SI: variants seen among roughly 807,000 people sequenced by gnomAD.
SI encodes the protein sucrase-isomaltase, intestinal.
SI carries 235 observed loss-of-function variants against 253.3 expected under a neutral mutation model. The ratio of observed to expected loss-of-function variants is 0.93; its 90% confidence interval spans 0.83 to 1.03. The LOEUF is 1.03. Among genes scored for constraint, SI ranks in the 50% least tolerant of loss-of-function variants. The pLI is 0.00. For missense variants in SI, 2,442 were observed against 2,211.1 expected (o/e 1.10, Z -2.09); for synonymous variants, 819 against 712.0 (o/e 1.15, Z -2.39).
rs1351677250 is a variant in SI, at chr3:164,979,191, C to T, written c.*171G>A. The T allele has an allele frequency of 6.7e-6, 4 of 600,676 alleles. No homozygotes were observed. Among genetic ancestry groups the T allele is most frequent in the Non-Finnish European group, 9.0e-6 (3 of 333,070 alleles). 37.2% of individuals were successfully genotyped at this position (600,676 alleles called of 1,614,324 possible). On this transcript the variant is annotated 3_prime_UTR_variant, in exon 48 of 48. Transcript: ENST00000264382. ...TTAAAATTGAATCCAAGTCACATTA[C>T]TATAATAAAATTAGCATTATCATTG...
intron 14 of SI, 122 bp downstream of exon 14, chr3:165,049,669 T>A (rs2108232975): frequency 1.5e-6 from 1 of 646,158 alleles, no homozygotes; most frequent in East Asian, 2.8e-5. Context: ...ATAAACAAAT[T>A]GATTTTATGG....
intron 34 of SI, among the ~76,000 whole-genome samples, chr3:165,012,030 T>C (rs1197928355): frequency 1.3e-5 from 2 of 152,120 alleles, no homozygotes; most frequent in Non-Finnish European, 1.5e-5. Flanking sequence ...GATAGAACTA[T>C]AGCCACTCCT....
chr3:164,996,633 C>A lies in SI; in HGVS notation c.4594G>T (p.Gly1532Cys), dbSNP rs1718024321. ...TGATATTCTGAGTTGTTGAAAAAAC[C>A]ACAGATGTCTGCTCCAGTCTAAAAT... is the stretch of plus-strand genomic sequence containing the variant. ...GMSYTGADIC[G>C]FFNNSEYHLC... The change falls in exon 40 of 48, where the codon GGT becomes TGT. Residue 1532 changes from glycine to cysteine, a missense_variant. Coordinates refer to ENST00000264382, the MANE Select transcript of SI (RefSeq NM_001041.4). The A allele has an allele frequency of 6.3e-7, 1 of 1,596,998 alleles. No homozygotes were observed. The highest frequency in any genetic ancestry group is 1.3e-5 in the African/African-American group (1 of 74,452).
chr3:164,994,454 G>A, intron 40 of SI, 49 bp from the exon 41 acceptor site: 1 of 1,578,042 alleles, frequency 6.3e-7, no homozygotes, highest in Non-Finnish European at 8.7e-7. Context: ...CCTTGTTTAA[G>A]TCATAATATT....
chr3:165,045,580 T>A (rs1398560326), intron 16 of SI, among the ~76,000 whole-genome samples: 1 of 151,934 alleles, frequency 6.6e-6, no homozygotes, highest in East Asian at 1.9e-4. Context: ...GTATTAATTT[T>A]TTCTCTTATT....
chr3:164,980,722 T>G (rs1717140858), intron 47 of SI, among the ~76,000 whole-genome samples: 1 of 152,006 alleles, frequency 6.6e-6, no homozygotes, highest in African/African-American at 2.4e-5. Context: ...TAGAAAAAAA[T>G]GATTTTTAAT....
intron 13 of SI, among the ~76,000 whole-genome samples, chr3:165,051,469 A>G (rs1457861979): frequency 6.6e-6 from 1 of 152,040 alleles, no homozygotes; most frequent in African/African-American, 2.4e-5. Context: ...GTTATATTCA[A>G]TTTTGTTTCC....
At chr3:165,008,369 A>G (rs1298884372) in intron 35 of SI, among the ~76,000 whole-genome samples, 5 of 151,988 alleles carry the variant, frequency 3.3e-5, no homozygotes, top group Non-Finnish European at 7.4e-5. Flanking sequence ...TACAAGATAT[A>G]TTAATAGTTT....
intron 22 of SI, 124 bp downstream of exon 22, chr3:165,036,265 A>C (rs1215416660): frequency 2.9e-6 from 2 of 697,948 alleles, no homozygotes; most frequent in Non-Finnish European, 5.0e-6. Flanking sequence ...TGAAACAGAT[A>C]AAAAACATTA....
chr3:165,012,398 G>A (rs1718813928), intron 34 of SI, among the ~76,000 whole-genome samples: 1 of 151,804 alleles, frequency 6.6e-6, no homozygotes, highest in African/African-American at 2.4e-5. Context: ...AATGTTAAAT[G>A]TTATTACTGT....
chr3:165,061,891 G>A (rs1041324934), intron 9 of SI, among the ~76,000 whole-genome samples: 4 of 151,898 alleles, frequency 2.6e-5, no homozygotes, highest in African/African-American at 9.7e-5. Context: ...ACCTTCTGAA[G>A]TCCCCAGGAT....
chr3:165,058,156 A>G (rs918660766), intron 12 of SI, among the ~76,000 whole-genome samples: 6 of 152,178 alleles, frequency 3.9e-5, no homozygotes, highest in Non-Finnish European at 7.4e-5. Context: ...ATATGAAAAC[A>G]TGAAAATTGA....
In SI at chr3:164,990,586, T is replaced by C. The variant is rs148460813; in HGVS notation, c.5108+767A>G. Among the ~76,000 whole-genome samples the C allele has an allele frequency of 4.3e-3, 651 of 152,250 alleles. 3 individuals are homozygous for C. Among genetic ancestry groups the C allele is most frequent in the African/African-American group, 0.015 (632 of 41,552 alleles). On this transcript the variant is annotated intron_variant, in intron 44 of 47. Transcript: ENST00000264382. The stretch of plus-strand genomic sequence containing the variant: ...ATGTTTTAAAAATGAATTGAGTTCA[T>C]ATCCTTTGTAGGGACATAGATGAAG...
At chr3:164,993,866 A>G (rs1000751311) in intron 41 of SI, among the ~76,000 whole-genome samples, 10 of 151,704 alleles carry the variant, frequency 6.6e-5, no homozygotes, top group African/African-American at 2.4e-4. Flanking sequence ...CCAGTAAGAC[A>G]TCTGTATATA....
intron 25 of SI, among the ~76,000 whole-genome samples, chr3:165,028,058 C>T (rs1712022353): frequency 6.6e-6 from 1 of 151,342 alleles, no homozygotes; most frequent in Admixed American, 6.6e-5. Flanking sequence ...CTCCAAAAAG[C>T]TCCTAGAACT....
At chr3:164,996,248 T>A (rs1243346255) in intron 40 of SI, among the ~76,000 whole-genome samples, 1 of 151,788 alleles carries the variant, frequency 6.6e-6, no homozygotes, top group African/African-American at 2.4e-5. Context: ...CTGTCCATCA[T>A]GCGCATTTTG....
chr3:165,052,337 T>C (rs559562618), intron 13 of SI, among the ~76,000 whole-genome samples: 1 of 152,316 alleles, frequency 6.6e-6, no homozygotes, highest in South Asian at 2.1e-4. Flanking sequence ...AAAGCCTCAG[T>C]GGACTGATAG....
At chr3:165,073,111 T>C (rs184262455) in intron 3 of SI, among the ~76,000 whole-genome samples, 1 of 152,156 alleles carries the variant, frequency 6.6e-6, no homozygotes, top group Admixed American at 6.6e-5. Flanking sequence ...ATTGTTTCCC[T>C]ATAAGACCTT....
At chr3:165,067,823 C>T (rs1290605239) in intron 5 of SI, among the ~76,000 whole-genome samples, 2 of 151,624 alleles carry the variant, frequency 1.3e-5, no homozygotes, top group African/African-American at 4.8e-5. Flanking sequence ...AATCTCAATG[C>T]TTTTCAGTGT....
Sources: allele counts gnomAD v4.1 joint callset (sites outside exome capture counted in the v4.1 genomes callset), GRCh38; gene constraint gnomAD v4.1.1; transcripts MANE v1.5; gene names NCBI Gene and HGNC (gene_info 2026-07-23, HGNC 2026-07-21).